The following FCHSD2 variants were observed in gnomAD, a reference collection of about 807,000 sequenced individuals.
FCHSD2 encodes the protein F-BAR and double SH3 domains protein 2.
Under a neutral mutation model 108.1 loss-of-function variants are expected in FCHSD2, and 38 were observed. The ratio of observed to expected loss-of-function variants is 0.35; its 90% CI spans 0.27 to 0.46. FCHSD2 has a LOEUF of 0.46. Ranked by LOEUF, FCHSD2 falls within the 20% of genes least tolerant of loss-of-function variation. FCHSD2 has a pLI of 1.00. For synonymous variants in FCHSD2, 279 were observed against 314.7 expected (o/e 0.89, Z 1.20); for missense variants, 751 against 897.8 (o/e 0.84, Z 2.09).
At chr11:73,049,607 C>T (rs1239676545) in intron 3 of FCHSD2, among the ~76,000 whole-genome samples, 1 of 149,054 alleles carries the variant, frequency 6.7e-6, no homozygotes, top group Non-Finnish European at 1.5e-5. Flanking sequence ...GTGGGTGCAG[C>T]GCACCAGCAT....
intron 2 of FCHSD2, among the ~76,000 whole-genome samples, chr11:73,134,118 A>C (rs193212315): frequency 6.6e-6 from 1 of 151,974 alleles, no homozygotes; most frequent in East Asian, 1.9e-4. Flanking sequence ...AAAACTCTAG[A>C]CCAGATTAGA....
chr11:72,896,981 C>T (rs562221153), intron 10 of FCHSD2, among the ~76,000 whole-genome samples: 142 of 151,918 alleles, frequency 9.3e-4, no homozygotes, highest in Admixed American at 1.9e-3. Context: ...TGCCCGCCAC[C>T]ACGCCCGGCT....
At chr11:73,023,874 C>A (rs1326267986) in intron 3 of FCHSD2, among the ~76,000 whole-genome samples, 2 of 152,120 alleles carry the variant, frequency 1.3e-5, no homozygotes, top group Non-Finnish European at 2.9e-5. Flanking sequence ...TCTTAAAATG[C>A]ATTTTGTTAA....
chr11:73,017,440 C>G (rs1857998419), intron 3 of FCHSD2, among the ~76,000 whole-genome samples: 1 of 152,160 alleles, frequency 6.6e-6, no homozygotes, highest in East Asian at 1.9e-4. Flanking sequence ...TATTAATCAA[C>G]TACCTGCTTG....
intron 5 of FCHSD2, 99 bp from the exon 6 acceptor site, chr11:72,989,196 A>G (rs1012556368): frequency 2.2e-6 from 2 of 894,066 alleles, no homozygotes; most frequent in Non-Finnish European, 3.3e-6. Context: ...CAGGATGGAA[A>G]TCCAGGGGAA....
chr11:73,032,625 T>A (rs1858388548), intron 3 of FCHSD2, among the ~76,000 whole-genome samples: 1 of 149,776 alleles, frequency 6.7e-6, no homozygotes, highest in Non-Finnish European at 1.5e-5. Context: ...ACTCAAGAAG[T>A]CACCATTTGG....
chr11:73,104,392 C>T (rs1044858514), intron 2 of FCHSD2, among the ~76,000 whole-genome samples: 23 of 151,950 alleles, frequency 1.5e-4, no homozygotes, highest in African/African-American at 5.6e-4. Flanking sequence ...TCAGCCTCCT[C>T]CAGAGTAGCT....
At chr11:73,037,195 C>T (rs568920425) in intron 3 of FCHSD2, among the ~76,000 whole-genome samples, 1 of 152,298 alleles carries the variant, frequency 6.6e-6, no homozygotes, top group South Asian at 2.1e-4. Context: ...CCATGTATCA[C>T]TTGCCCCCAC....
chr11:72,925,197 T>C (rs1003241362), intron 8 of FCHSD2, among the ~76,000 whole-genome samples: 15 of 152,172 alleles, frequency 9.9e-5, no homozygotes, highest in African/African-American at 3.6e-4. Context: ...AGGAGAAAAG[T>C]TGAAGAAAAG....
intron 3 of FCHSD2, among the ~76,000 whole-genome samples, chr11:73,047,321 A>C (rs1033226953): frequency 6.6e-6 from 1 of 152,152 alleles, no homozygotes; most frequent in African/African-American, 2.4e-5. Flanking sequence ...AATGATAGGG[A>C]AGAAAAGTGG....
At position 72,851,080 on chromosome 11, in the gene FCHSD2, C is replaced by T. The variant is rs150002719; in HGVS notation, c.1309-1191G>A. ...TTGCACCACTGCACTACAGCTGGGG[C>T]GACACAGCGTGACTCTGTCTCAAAA... On this transcript the variant is annotated intron_variant, in intron 13 of 19. Coordinates refer to ENST00000409418, the MANE Select transcript of FCHSD2 (RefSeq NM_014824.3). Among the ~76,000 whole-genome samples, 798 of 117,212 alleles carry T rather than the reference C, an allele frequency of 6.8e-3. 1 individual carries two copies. Among genetic ancestry groups the T allele is most frequent in the Middle Eastern group, 0.035 (4 of 114 alleles). The allele number at this position is 117,212 out of a possible 152,430, so 76.9% of individuals were successfully genotyped here. A position where few individuals can be genotyped will look rare whatever the true frequency, so the allele number is the denominator to read the frequency against.
In FCHSD2 at chr11:72,982,043, C is replaced by T. The variant is rs78125524; in HGVS notation, c.705+2045G>A. On this transcript the variant is annotated intron_variant, in intron 8 of 19. Transcript: ENST00000409418. ...TCTAATACTTTATGGAAAATATATG[C>T]AGAGTTTTCATCTGAGATGACAAAA... Among the ~76,000 whole-genome samples the T allele has an allele frequency of 6.7e-3, 1,017 of 152,290 alleles. 9 individuals are homozygous for T. Among genetic ancestry groups the T allele is most frequent in the Non-Finnish European group, 0.01 (692 of 68,022 alleles).
chr11:73,055,411 G>A (rs1859002523), intron 3 of FCHSD2, among the ~76,000 whole-genome samples: 1 of 151,778 alleles, frequency 6.6e-6, no homozygotes, highest in African/African-American at 2.4e-5. Flanking sequence ...CAAACAAATG[G>A]CAGAGCTGCC....
intron 14 of FCHSD2, among the ~76,000 whole-genome samples, chr11:72,845,666 C>T (rs1565284688): frequency 6.6e-6 from 1 of 152,110 alleles, no homozygotes; most frequent in Non-Finnish European, 1.5e-5. Context: ...GACGCTTTGG[C>T]CCCTGCACAC....
chr11:72,906,248 T>C (rs1196137251), intron 9 of FCHSD2, among the ~76,000 whole-genome samples: 1 of 152,240 alleles, frequency 6.6e-6, no homozygotes, highest in Non-Finnish European at 1.5e-5. Context: ...TGTCTGTTCA[T>C]ATCCTTTGCC....
At chr11:73,023,743 C>G (rs570503484) in intron 3 of FCHSD2, among the ~76,000 whole-genome samples, 1 of 152,266 alleles carries the variant, frequency 6.6e-6, no homozygotes, top group African/African-American at 2.4e-5. Context: ...TATTGATAAA[C>G]TTGGCAACAA....
At chr11:72,852,471 G>A (rs1286670823) in intron 13 of FCHSD2, among the ~76,000 whole-genome samples, 2 of 152,140 alleles carry the variant, frequency 1.3e-5, no homozygotes, top group Non-Finnish European at 2.9e-5. Flanking sequence ...GCTAAAGTGG[G>A]TGGTGCCAAA....
chr11:72,927,543 T>G (rs891580147), intron 8 of FCHSD2, among the ~76,000 whole-genome samples: 1 of 152,150 alleles, frequency 6.6e-6, no homozygotes, highest in Non-Finnish European at 1.5e-5. Flanking sequence ...GAACTAAAAC[T>G]GCTCTAAACA....
intron 3 of FCHSD2, among the ~76,000 whole-genome samples, chr11:73,064,836 A>G (rs898583291): frequency 4.6e-5 from 7 of 152,222 alleles, no homozygotes; most frequent in African/African-American, 1.7e-4. Context: ...ATAAACCAAT[A>G]ACAAGTTCTG....
Sources: gnomAD v4.1 joint callset for allele counts (sites outside exome capture counted in the v4.1 genomes callset) on GRCh38, gnomAD v4.1.1 for gene constraint, MANE v1.5 for transcripts, NCBI Gene and HGNC (gene_info 2026-07-23, HGNC 2026-07-21) for gene names.